PROSER2: variants seen among roughly 807,000 people sequenced by gnomAD.
The protein encoded by PROSER2 is proline and serine rich 2.
Under a neutral mutation model 14.6 loss-of-function variants are expected in PROSER2, and 18 were observed. The observed-to-expected ratio is 1.23, with a 90% CI of 0.85 to 1.83. The LOEUF (loss-of-function observed/expected upper bound fraction) is 1.83. Ranked by LOEUF, PROSER2 falls within the 40% of genes most tolerant of loss-of-function variation. The pLI, the probability that PROSER2 is intolerant of heterozygous loss-of-function variation, is 0.00. For synonymous variants in PROSER2, 367 were observed against 286.4 expected (o/e 1.28, Z -2.84); for missense variants, 823 against 629.8 (o/e 1.31, Z -3.28).
At chr10:11,860,900 A>G (rs978657596) in intron 2 of PROSER2, among the ~76,000 whole-genome samples, 6 of 151,646 alleles carry the variant, frequency 4.0e-5, no homozygotes, top group Admixed American at 2.0e-4. Flanking sequence ...GAGGTCAGGA[A>G]TTCGAGACCA....
chr10:11,827,682 C>CTTTT (rs10625176), intron 1 of PROSER2, among the ~76,000 whole-genome samples: 6 of 143,384 alleles, frequency 4.2e-5, no homozygotes, highest in East Asian at 2.0e-4. Flanking sequence ...CATGGAAGTC[C>CTTTT]TTTTTTTTTT....
rs565904914 is a variant in PROSER2 at position 11,836,156 on chromosome 10, C to T, written c.-82+12686C>T. 7.9e-5 allele frequency among the ~76,000 whole-genome samples: 12 copies of T among 152,104 alleles called. No individual in the cohort carries two copies. The highest frequency in any genetic ancestry group is 2.6e-4 in the Admixed American group (4 of 15,260). On this transcript the variant is annotated intron_variant, in intron 1 of 3. Coordinates refer to ENST00000277570, the MANE Select transcript of PROSER2 (RefSeq NM_153256.4). The surrounding 1 kb of genome is among the most constrained non-coding windows in gnomAD (Gnocchi z 4.6). ...AAGCGATTCTCCTGCCTCAGTCTCC[C>T]GAGTAGCTGGGATTACAGGCGTCCA...
In PROSER2 at chr10:11,830,034, G is replaced by C. The variant is rs185812174; in HGVS notation, c.-82+6564G>C. Among the ~76,000 whole-genome samples the C allele has an allele frequency of 6.6e-6, 1 of 151,674 alleles. No individual in the cohort carries two copies. The highest frequency in any genetic ancestry group is 1.9e-4 in the East Asian group (1 of 5,170). On this transcript the variant is annotated intron_variant, in intron 1 of 3. Transcript: ENST00000277570. This position sits in a 1 kb window ranked among gnomAD's most constrained non-coding sequence, Gnocchi z 4.5. ...AATTTTTGCATTTTAGTAGAGACGG[G>C]GTTTTGCCATGTTGGCCATGCTGGT...
rs1220990071 is a variant in PROSER2 at position 11,865,026 on chromosome 10, G to T, written c.139-1505G>T. Among the ~76,000 whole-genome samples, 2 of 152,044 alleles carry T rather than the reference G, an allele frequency of 1.3e-5. No homozygotes were observed. Among genetic ancestry groups the T allele is most frequent in the African/African-American group, 2.4e-5 (1 of 41,388 alleles). On this transcript the variant is annotated intron_variant, in intron 2 of 3. Coordinates refer to ENST00000277570, the MANE Select transcript of PROSER2 (RefSeq NM_153256.4). This position sits in a 1 kb window ranked among gnomAD's most constrained non-coding sequence, Gnocchi z 4.2. ...GGTCTGTTTGATTTTTATTCATTAGGTTGTACACTAAGGACCCCTTTCAGT... is the reference window on the plus strand; with the variant it reads ...GGTCTGTTTGATTTTTATTCATTAGTTTGTACACTAAGGACCCCTTTCAGT...
chr10:11,845,973 TCATTCATTCATG>T (rs1387514650), intron 1 of PROSER2, among the ~76,000 whole-genome samples: 1 of 152,176 alleles, frequency 6.6e-6, no homozygotes, highest in Non-Finnish European at 1.5e-5. Context: ...CTTCATTCAT[TCATTCATTCATG>T]CATTCATTCA....
chr10:11,826,907 TAGG>T (rs1833623496), intron 1 of PROSER2, among the ~76,000 whole-genome samples: 1 of 116,864 alleles, frequency 8.6e-6, no homozygotes, highest in Non-Finnish European at 1.7e-5. Flanking sequence ...TCCTCTGACA[TAGG>T]ATTTCACTGT....
chr10:11,866,911 G>A lies in PROSER2; in HGVS notation c.391+128G>A. ...TGAGTCTTACCAGATTTTTATAGGGGAAAATACTCCTTGGCAGTTTCATCA... is the reference window on the plus strand; with the variant it reads ...TGAGTCTTACCAGATTTTTATAGGGAAAAATACTCCTTGGCAGTTTCATCA... On this transcript the variant is annotated intron_variant, in intron 3 of 3. Coordinates refer to ENST00000277570, the MANE Select transcript of PROSER2 (RefSeq NM_153256.4). The surrounding 1 kb of genome is among the most constrained non-coding windows in gnomAD (Gnocchi z 6.0). 9.1e-7 allele frequency: 1 copy of A among 1,104,020 alleles called. No individual in the cohort carries two copies. Among genetic ancestry groups the A allele is most frequent in the Non-Finnish European group, 1.3e-6 (1 of 794,474 alleles). The allele number at this position is 1,104,020 out of a possible 1,614,324, so 68.4% of individuals were successfully genotyped here. A position where few individuals can be genotyped will look rare whatever the true frequency, so the allele number is the denominator to read the frequency against.
At chr10:11,868,852 C>A (rs181321105) in intron 3 of PROSER2, among the ~76,000 whole-genome samples, 217 of 152,094 alleles carry the variant, frequency 1.4e-3, no homozygotes, top group Admixed American at 5.6e-3. Context: ...GGTTTCACCA[C>A]GTTGGCCAGG....
intron 2 of PROSER2, among the ~76,000 whole-genome samples, chr10:11,864,588 T>C (rs1055337230): frequency 2.1e-5 from 3 of 141,794 alleles, no homozygotes; most frequent in African/African-American, 7.8e-5. Flanking sequence ...TGAATTTTTT[T>C]TTTCTTTTTT....
intron 1 of PROSER2, chr10:11,851,031 C>T (rs2131069552): frequency 6.6e-6 from 1 of 152,390 alleles, no homozygotes; most frequent in Non-Finnish European, 1.5e-5. Context: ...TGAGACCAGC[C>T]TGGGCAACAT....
chr10:11,834,034 G>A (rs921073551), intron 1 of PROSER2, among the ~76,000 whole-genome samples: 6 of 115,260 alleles, frequency 5.2e-5, no homozygotes, highest in Admixed American at 2.5e-4. Context: ...TCGCTCTGTC[G>A]CCTAGGCTGG....
intron 2 of PROSER2, among the ~76,000 whole-genome samples, chr10:11,859,021 AAAAAAAAAAAAG>A (rs71380789): frequency 0.39 from 57,699 of 146,702 alleles, 12,099 homozygotes; most frequent in East Asian, 0.73. Flanking sequence ...AAAAAAAAAA[AAAAAAAAAAAAG>A]GAGAGATGGT....
Position 11,838,893 on chromosome 10 carries a change from G to T in PROSER2, c.-81-13104G>T, listed in dbSNP as rs183468838. 6.6e-6 allele frequency among the ~76,000 whole-genome samples: 1 copy of T among 151,950 alleles called. No individual in the cohort carries two copies. Among genetic ancestry groups the T allele is most frequent in the Non-Finnish European group, 1.5e-5 (1 of 67,992 alleles). On this transcript the variant is annotated intron_variant, in intron 1 of 3. Coordinates refer to ENST00000277570, the MANE Select transcript of PROSER2 (RefSeq NM_153256.4). This position sits in a 1 kb window ranked among gnomAD's most constrained non-coding sequence, Gnocchi z 4.4. ...TATTCTAGCTATCAATTCCTTATAC[G>T]TATTAGACATAGTACATATCTTCTA...
chr10:11,870,542 C>T lies in PROSER2; in HGVS notation c.*136C>T. On this transcript the variant is annotated 3_prime_UTR_variant, in exon 4 of 4. Transcript: ENST00000277570. ...CCTGCCCTCTGTGGCACATCGGAGT[C>T]TAGAGGTGCCTGGCTGGGGCCTCCT... 8.3e-6 allele frequency: 6 copies of T among 723,464 alleles called. No individual in the cohort carries two copies. The highest frequency in any genetic ancestry group is 1.2e-5 in the Non-Finnish European group (6 of 481,180). The allele number at this position is 723,464 out of a possible 1,614,324, so 44.8% of individuals were successfully genotyped here. A position where few individuals can be genotyped will look rare whatever the true frequency, so the allele number is the denominator to read the frequency against.
At chr10:11,833,983 T>C (rs1833722712) in intron 1 of PROSER2, among the ~76,000 whole-genome samples, 1 of 119,122 alleles carries the variant, frequency 8.4e-6, no homozygotes, top group Non-Finnish European at 1.7e-5. Context: ...AGTAGCTCTT[T>C]CTTTTTTTTT....
intron 1 of PROSER2, among the ~76,000 whole-genome samples, chr10:11,827,653 G>A (rs929530137): frequency 1.3e-4 from 19 of 151,460 alleles, no homozygotes; most frequent in African/African-American, 2.4e-4. Flanking sequence ...GCTGTTGAGC[G>A]GGTCATTGGG....
At chr10:11,843,634 C>T (rs1169440460) in intron 1 of PROSER2, among the ~76,000 whole-genome samples, 3 of 150,864 alleles carry the variant, frequency 2.0e-5, no homozygotes, top group Non-Finnish European at 4.4e-5. Flanking sequence ...TGCAGTGAGC[C>T]GAGATCGCAC....
In PROSER2 at chr10:11,846,528, T is replaced by C. The variant is rs143894835; in HGVS notation, c.-81-5469T>C. Among the ~76,000 whole-genome samples, 323 of 152,350 alleles carry C rather than the reference T, an allele frequency of 2.1e-3. 1 individual carries two copies. Among genetic ancestry groups the C allele is most frequent in the African/African-American group, 7.4e-3 (309 of 41,584 alleles). ...TGTTTATGCCATCTGTCGAGTTTTT[T>C]CTTTGTTATCAATTTTTTCTTCATA... On this transcript the variant is annotated intron_variant, in intron 1 of 3. Transcript: ENST00000277570.
At chr10:11,849,242 C>T (rs984870139) in intron 1 of PROSER2, among the ~76,000 whole-genome samples, 2 of 152,102 alleles carry the variant, frequency 1.3e-5, no homozygotes, top group Non-Finnish European at 2.9e-5. Context: ...AATCTTAGGG[C>T]CATGGTGGGC....
Sources: gnomAD v4.1 joint callset for allele counts (sites outside exome capture counted in the v4.1 genomes callset) on GRCh38, gnomAD v4.1.1 for gene constraint, Gnocchi (gnomAD v3.1) non-coding constraint, MANE v1.5 for transcripts, NCBI Gene and HGNC (gene_info 2026-07-23, HGNC 2026-07-21) for gene names.